The following ADCK1 variants were observed in gnomAD, a reference collection of about 807,000 sequenced individuals.
ADCK1 encodes aarF domain containing kinase 1, also known as aarF domain-containing protein kinase 1.
A neutral mutation model predicts 52.3 loss-of-function variants in ADCK1; 41 were observed. The observed-to-expected ratio is 0.78, with a 90% CI of 0.61 to 1.02. The LOEUF (loss-of-function observed/expected upper bound fraction) is 1.02. ADCK1 is among the 50% of genes least tolerant of loss of function. ADCK1 has a pLI of 0.00. For synonymous variants in ADCK1, 250 were observed against 274.6 expected (o/e 0.91, Z 0.89); for missense variants, 658 against 679.5 (o/e 0.97, Z 0.35).
At chr14:77,897,446 T>G (rs2140234565) in intron 5 of ADCK1, among the ~76,000 whole-genome samples, 1 of 152,318 alleles carries the variant, frequency 6.6e-6, no homozygotes, top group Non-Finnish European at 1.5e-5. Flanking sequence ...ATTGTGTCTC[T>G]GCTCATGGCA....
chr14:77,911,839 G>T (rs1566728725), intron 7 of ADCK1, among the ~76,000 whole-genome samples: 1 of 151,444 alleles, frequency 6.6e-6, no homozygotes, highest in Non-Finnish European at 1.5e-5. Context: ...TCTCAGATTT[G>T]CAGATGAAGA....
intron 4 of ADCK1, among the ~76,000 whole-genome samples, chr14:77,873,557 T>TTG (rs1468512351): frequency 6.6e-6 from 1 of 152,034 alleles, no homozygotes; most frequent in Admixed American, 6.6e-5. Flanking sequence ...ATGTGTGCAC[T>TTG]TGTGTGTGTG....
At chr14:77,893,146 A>G (rs2083318069) in intron 5 of ADCK1, among the ~76,000 whole-genome samples, 1 of 152,190 alleles carries the variant, frequency 6.6e-6, no homozygotes. Context: ...CTCTACTTCT[A>G]GATGCACGGC....
intron 9 of ADCK1, among the ~76,000 whole-genome samples, chr14:77,928,598 A>T (rs915910943): frequency 1.3e-5 from 2 of 151,746 alleles, no homozygotes; most frequent in Non-Finnish European, 2.9e-5. Context: ...AGTAGCTGGG[A>T]TTACAGGCAT....
At chr14:77,911,529 G>A (rs779967079) in intron 7 of ADCK1, among the ~76,000 whole-genome samples, 20 of 152,122 alleles carry the variant, frequency 1.3e-4, no homozygotes, top group Non-Finnish European at 2.6e-4. Flanking sequence ...CTTACATCAA[G>A]GATCACTTCA....
rs367692705 is a variant in ADCK1, at chr14:77,882,249, C to T, written c.424-4842C>T. On this transcript the variant is annotated intron_variant, in intron 4 of 10. Coordinates refer to ENST00000238561, the MANE Select transcript of ADCK1 (RefSeq NM_020421.4). ...CCAGTGGATGGCAGCTGGCACCCAGCCAGGTGTAGGGGGGGCCAGCTCGAG... is the reference window on the plus strand; with the variant it reads ...CCAGTGGATGGCAGCTGGCACCCAGTCAGGTGTAGGGGGGGCCAGCTCGAG... Among the ~76,000 whole-genome samples the T allele has an allele frequency of 1.1e-3, 166 of 151,966 alleles. 2 individuals are homozygous for T. The South Asian group carries it at 0.014, about 13-fold the overall frequency.
At chr14:77,885,582 A>G (rs573282371) in intron 4 of ADCK1, among the ~76,000 whole-genome samples, 1 of 152,120 alleles carries the variant, frequency 6.6e-6, no homozygotes, top group African/African-American at 2.4e-5. Flanking sequence ...ATGGGGTGGG[A>G]TGGTGGCTGT....
At chr14:77,925,635 GGA>G in intron 8 of ADCK1, 127 bp from the exon 9 acceptor site, 2 of 896,284 alleles carry the variant, frequency 2.2e-6, no homozygotes, top group Non-Finnish European at 3.4e-6. Context: ...GAGCTCTGGG[GGA>G]GAAACAGATG....
chr14:77,924,195 T>A (rs1438874661), intron 7 of ADCK1: 1 of 422,782 alleles, frequency 2.4e-6, no homozygotes, highest in East Asian at 4.6e-5. Flanking sequence ...CCTAATCCCA[T>A]GTTCACGTCA....
intron 7 of ADCK1, among the ~76,000 whole-genome samples, chr14:77,911,474 G>A (rs1450041796): frequency 6.6e-6 from 1 of 152,184 alleles, no homozygotes; most frequent in Non-Finnish European, 1.5e-5. Context: ...GAGAAGCATT[G>A]CTCTGCACCA....
intron 6 of ADCK1, chr14:77,900,590 G>GAAC (rs3837641): frequency 0.39 from 173,778 of 444,756 alleles, 33,698 homozygotes; most frequent in Admixed American, 0.52. Context: ...GCGTCTCAAG[G>GAAC]AACAACAACA....
chr14:77,924,378 C>A (rs1401374546), intron 7 of ADCK1, 79 bp from the exon 8 acceptor site: 1 of 1,561,736 alleles, frequency 6.4e-7, no homozygotes, highest in Admixed American at 1.8e-5. Context: ...TAAAAGTGAC[C>A]ACATTGAGAG....
At chr14:77,846,902 G>A (rs2082183141) in intron 3 of ADCK1, among the ~76,000 whole-genome samples, 1 of 152,228 alleles carries the variant, frequency 6.6e-6, no homozygotes, top group Admixed American at 6.5e-5. Flanking sequence ...TTCTCCAAGA[G>A]AGGCTCAGAC....
chr14:77,931,262 A>G (rs573140772), intron 9 of ADCK1, among the ~76,000 whole-genome samples: 1 of 152,318 alleles, frequency 6.6e-6, no homozygotes, highest in Middle Eastern at 3.4e-3. Flanking sequence ...GTCTCTCGCA[A>G]TGTATACTGT....
At chr14:77,925,135 CCTT>C (rs2084159605) in intron 8 of ADCK1, among the ~76,000 whole-genome samples, 1 of 152,238 alleles carries the variant, frequency 6.6e-6, no homozygotes, top group Admixed American at 6.5e-5. Context: ...GGATTCTGCT[CCTT>C]CTCTCAGTGA....
intron 3 of ADCK1, among the ~76,000 whole-genome samples, chr14:77,828,160 C>T (rs1238223278): frequency 6.6e-6 from 1 of 152,098 alleles, no homozygotes; most frequent in Non-Finnish European, 1.5e-5. Context: ...GATGGGGTTT[C>T]ACCATGTTGG....
At chr14:77,916,938 GGGCCAGC>G in intron 7 of ADCK1, among the ~76,000 whole-genome samples, 1 of 152,206 alleles carries the variant, frequency 6.6e-6, no homozygotes, top group Non-Finnish European at 1.5e-5. Flanking sequence ...AAATGCTCTA[GGGCCAGC>G]ACTAGTGGCT....
chr14:77,912,147 G>T (rs1268421133), intron 7 of ADCK1, among the ~76,000 whole-genome samples: 3 of 152,058 alleles, frequency 2.0e-5, no homozygotes, highest in African/African-American at 7.2e-5. Flanking sequence ...TTGTTTCATT[G>T]GTCTATCCTT....
Position 77,864,708 on chromosome 14 carries a change from T to TAGAGAG in ADCK1, c.423+5441_423+5446dup, listed in dbSNP as rs148669104. Among the ~76,000 whole-genome samples, 19 of 149,000 alleles carry TAGAGAG rather than the reference T, an allele frequency of 1.3e-4. No homozygotes were observed. The East Asian group carries it at 3.7e-3, about 29-fold the overall frequency. On this transcript the variant is annotated intron_variant, in intron 4 of 10. Transcript: ENST00000238561. ...TTGCTTGTGTGTGTGTATTTAGAGC[T>TAGAGAG]AGAGAGAGAGAGAGAGACTGATTGA...
Sources: gnomAD v4.1 joint callset for allele counts (sites outside exome capture counted in the v4.1 genomes callset) on GRCh38, gnomAD v4.1.1 for gene constraint, MANE v1.5 for transcripts, NCBI Gene and HGNC (gene_info 2026-07-23, HGNC 2026-07-21) for gene names.